Variants in RHOU observed in about 807,000 individuals in gnomAD.
The protein encoded by RHOU is rho-related GTP-binding protein RhoU.
A neutral mutation model predicts 12.6 loss-of-function variants in RHOU; 8 were observed. The observed-to-expected ratio is 0.64, with a 90% CI of 0.37 to 1.15. The LOEUF (loss-of-function observed/expected upper bound fraction) is 1.15. RHOU is among the 50% of genes most tolerant of loss of function. The pLI is 0.01. For missense variants in RHOU, 258 were observed against 347.0 expected, an observed-to-expected ratio of 0.74 and a Z score of 2.04; for synonymous variants, 161 against 147.4, an observed-to-expected ratio of 1.09 and a Z score of -0.67.
chr1:228,701,165 A>C, the RHOU span, among the ~76,000 whole-genome samples: 1 of 152,176 alleles, frequency 6.6e-6, no homozygotes, highest in African/African-American at 2.4e-5. Flanking sequence ...TAGCATCCCA[A>C]ATTTAGTTTG....
the RHOU span, among the ~76,000 whole-genome samples, chr1:228,722,271 T>C: frequency 3.3e-5 from 5 of 152,220 alleles, no homozygotes; most frequent in African/African-American, 9.7e-5. Context: ...CTTTACTTAA[T>C]ACTTTCTAGC....
the RHOU span, among the ~76,000 whole-genome samples, chr1:228,726,436 CAGGTGGATCATG>C: frequency 6.6e-6 from 1 of 152,108 alleles, no homozygotes; most frequent in Non-Finnish European, 1.5e-5. Flanking sequence ...GAGGCCGAGG[CAGGTGGATCATG>C]AGGTCAGGAG....
the RHOU span, chr1:228,650,521 G>C: frequency 4.4e-6 from 2 of 456,486 alleles, no homozygotes; most frequent in Non-Finnish European, 8.8e-6. Context: ...GAGCTGCCAC[G>C]GGCAGAAGCT....
the RHOU span, among the ~76,000 whole-genome samples, chr1:228,658,101 A>G: frequency 6.6e-6 from 1 of 152,028 alleles, no homozygotes; most frequent in South Asian, 2.1e-4. Flanking sequence ...GCAACATGGG[A>G]AAACCTTGTC....
chr1:228,692,490 A>G, the RHOU span, among the ~76,000 whole-genome samples: 1 of 152,198 alleles, frequency 6.6e-6, no homozygotes, highest in Non-Finnish European at 1.5e-5. Flanking sequence ...TGCTGAGTGA[A>G]GAACTTACTT....
the RHOU span, among the ~76,000 whole-genome samples, chr1:228,658,158 T>A: frequency 7.9e-5 from 12 of 151,918 alleles, no homozygotes; most frequent in Non-Finnish European, 1.6e-4. Context: ...TGCAGGCCTG[T>A]AGTCCAAGCT....
chr1:228,649,025 T>G, the RHOU span, among the ~76,000 whole-genome samples: 2 of 152,118 alleles, frequency 1.3e-5, no homozygotes, highest in African/African-American at 4.8e-5. Flanking sequence ...CAACCTCGCC[T>G]GGCTAGTTTT....
the RHOU span, among the ~76,000 whole-genome samples, chr1:228,666,246 C>T: frequency 2.0e-5 from 3 of 152,300 alleles, no homozygotes; most frequent in East Asian, 5.8e-4. Context: ...AGGTGTGAGC[C>T]ACCGTGCCTG....
At chr1:228,736,493 G>A (rs1200454300) in intron 1 of RHOU, among the ~76,000 whole-genome samples, 1 of 152,076 alleles carries the variant, frequency 6.6e-6, no homozygotes, top group African/African-American at 2.4e-5. Context: ...CCGCTTTAAA[G>A]AGCCGCGGAG....
chr1:228,683,136 A>T, the RHOU span, among the ~76,000 whole-genome samples: 1 of 149,766 alleles, frequency 6.7e-6, no homozygotes, highest in African/African-American at 2.6e-5. Flanking sequence ...AGTCAACTAC[A>T]CCTGACAGAT....
the RHOU span, among the ~76,000 whole-genome samples, chr1:228,655,294 G>A: frequency 6.6e-6 from 1 of 151,932 alleles, no homozygotes; most frequent in African/African-American, 2.4e-5. Flanking sequence ...AGTAGAGACG[G>A]GGTTTCACCA....
chr1:228,649,514 T>TA, the RHOU span, among the ~76,000 whole-genome samples: 4 of 152,218 alleles, frequency 2.6e-5, no homozygotes, highest in African/African-American at 7.2e-5. Context: ...TAAGGGTTTT[T>TA]AAAAAAATTC....
At chr1:228,728,999 G>A in the RHOU span, among the ~76,000 whole-genome samples, 1 of 151,674 alleles carries the variant, frequency 6.6e-6, no homozygotes, top group Admixed American at 6.6e-5. Flanking sequence ...GGGTTCAAGC[G>A]ATTCTTCTAC....
the RHOU span, among the ~76,000 whole-genome samples, chr1:228,662,112 A>G: frequency 1.5e-3 from 222 of 152,360 alleles, no homozygotes; most frequent in African/African-American, 5.2e-3. Context: ...GAGAAATGCA[A>G]ATCAAAACCA....
At chr1:228,652,302 CA>C in the RHOU span, 1 of 152,334 alleles carries the variant, frequency 6.6e-6, no homozygotes, top group Middle Eastern at 3.4e-3. Flanking sequence ...GTTTTGTCTT[CA>C]AGCCACTGAC....
At chr1:228,679,814 G>A in the RHOU span, among the ~76,000 whole-genome samples, 2 of 152,022 alleles carry the variant, frequency 1.3e-5, no homozygotes, top group Non-Finnish European at 2.9e-5. Flanking sequence ...GGTGGATTAA[G>A]GTGGGGAGAT....
chr1:228,725,979 A>G, the RHOU span, among the ~76,000 whole-genome samples: 1 of 152,184 alleles, frequency 6.6e-6, no homozygotes, highest in East Asian at 1.9e-4. Context: ...CACCTTTACA[A>G]TCTTCTTACT....
Position 228,737,664 on chromosome 1 carries a change from G to T in RHOU, c.263-9G>T. On this transcript the variant is annotated splice_polypyrimidine_tract_variant and intron_variant, in intron 1 of 2. Transcript: ENST00000366691. The surrounding 1 kb of genome is among the most constrained non-coding windows in gnomAD (Gnocchi z 4.1). ...ACCTCCTGATTGTCATTTTGGTTTTGTTTTTAAGCGGTGGTGTCTGTGGAT... is the reference window on the plus strand; with the variant it reads ...ACCTCCTGATTGTCATTTTGGTTTTTTTTTTAAGCGGTGGTGTCTGTGGAT... 8 of 1,614,094 alleles carry T rather than the reference G, an allele frequency of 5.0e-6. No homozygotes were observed. The highest frequency in any genetic ancestry group is 5.9e-6 in the Non-Finnish European group (7 of 1,179,960).
chr1:228,677,872 A>G, the RHOU span, among the ~76,000 whole-genome samples: 1 of 152,164 alleles, frequency 6.6e-6, no homozygotes, highest in Non-Finnish European at 1.5e-5. Flanking sequence ...CAGGCCCGTT[A>G]TTGGACTGTA....
Sources: gnomAD v4.1 joint callset for allele counts (sites outside exome capture counted in the v4.1 genomes callset) on GRCh38, gnomAD v4.1.1 for gene constraint, Gnocchi (gnomAD v3.1) non-coding constraint, MANE v1.5 for transcripts, NCBI Gene and HGNC (gene_info 2026-07-23, HGNC 2026-07-21) for gene names.